The following NHLH2 variants were observed in gnomAD, a reference collection of about 807,000 sequenced individuals.
The protein encoded by NHLH2 is helix-loop-helix protein 2.
In NHLH2, 7 loss-of-function variants were observed where a neutral mutation model predicts 7.3. The observed-to-expected ratio is 0.96, with a 90% CI of 0.55 to 1.81. The LOEUF is 1.81. Ranked by LOEUF, NHLH2 falls within the 40% of genes most tolerant of loss-of-function variation. The pLI is 0.00. For synonymous variants in NHLH2, 93 were observed against 91.6 expected (o/e 1.01, Z -0.09); for missense variants, 155 against 194.0 (o/e 0.80, Z 1.19).
At chr1:115,839,216 GA>G in intron 2 of NHLH2, 1 of 167,490 alleles carries the variant, frequency 6.0e-6, no homozygotes, top group Non-Finnish European at 1.5e-5. Flanking sequence ...CACCTTGCGG[GA>G]AAATGCCGGC....
chr1:115,833,116 T>C (rs1650790193), downstream of NHLH2, among the ~76,000 whole-genome samples: 1 of 152,192 alleles, frequency 6.6e-6, no homozygotes, highest in African/African-American at 2.4e-5. Flanking sequence ...GGCACGCTAA[T>C]TTTTAAAGAT....
At position 115,838,180 on chromosome 1, in the gene NHLH2, G is replaced by A; in HGVS notation, c.193C>T (p.Arg65Cys). 1 of 1,575,594 alleles carries A rather than the reference G, an allele frequency of 6.3e-7. No homozygotes were observed. Among genetic ancestry groups the A allele is most frequent in the Non-Finnish European group, 8.6e-7 (1 of 1,162,084 alleles). ...CGCCGGCGGCGGCGCTTCTCCTCGC[G>A]GCTCAGCTGCTGCGGGTGCGGGTAG... Reference protein sequence around the residue: ...ALYPHPQQLSREEKRRRRRAT... With the variant: ...ALYPHPQQLSCEEKRRRRRAT... Residue 65 changes from arginine to cysteine, a missense_variant, in exon 3 of 3, where the codon CGC (arginine) becomes TGC (cysteine). By Grantham distance (180) the Arg-to-Cys change is radical (BLOSUM62 -3). This residue lies in a region of NHLH2 where 64 missense variants were observed against 107.4 expected (regional missense o/e 0.60). Transcript: ENST00000320238.
downstream of NHLH2, among the ~76,000 whole-genome samples, chr1:115,833,484 G>T (rs1049503289): frequency 1.3e-5 from 2 of 152,136 alleles, no homozygotes; most frequent in African/African-American, 2.4e-5. Context: ...GCACCAAGGG[G>T]GGTGGTGTGT....
chr1:115,832,945 G>A (rs145063092), downstream of NHLH2, among the ~76,000 whole-genome samples: 1 of 152,186 alleles, frequency 6.6e-6, no homozygotes, highest in Non-Finnish European at 1.5e-5. Flanking sequence ...TGGCCTCTCT[G>A]GGGAAGTGAG....
downstream of NHLH2, among the ~76,000 whole-genome samples, chr1:115,835,528 A>G (rs531340069): frequency 2.0e-5 from 3 of 152,284 alleles, no homozygotes. Context: ...CCTTCATATA[A>G]GGGAGAGGAT....
At chr1:115,836,079 T>C (rs960729159), downstream of NHLH2, among the ~76,000 whole-genome samples, 9 of 152,202 alleles carry the variant, frequency 5.9e-5, no homozygotes, top group African/African-American at 1.7e-4. Context: ...TAGAGAGTTA[T>C]TAAGTTTTCT....
intron 1 of NHLH2, 107 bp from the exon 2 acceptor site, chr1:115,840,651 A>T (rs544045086): frequency 6.0e-6 from 1 of 166,912 alleles, no homozygotes; most frequent in Non-Finnish European, 1.5e-5. Flanking sequence ...TTAAGATAAG[A>T]TTCCGCTCCT....
At position 115,838,117 on chromosome 1, in the gene NHLH2, C is replaced by T; in HGVS notation, c.256G>A (p.Glu86Lys). 1 of 1,604,622 alleles carries T rather than the reference C, an allele frequency of 6.2e-7. No individual in the cohort carries two copies. Among genetic ancestry groups the T allele is most frequent in the South Asian group, 1.1e-5 (1 of 90,158 alleles). Residue 86 changes from glutamate to lysine, a missense_variant, in exon 3 of 3, where the codon GAG becomes AAG. Coordinates refer to ENST00000320238, the MANE Select transcript of NHLH2 (RefSeq NM_005599.3). ...TTGAAGGCTTCCACGCGGATGCGCT[C>T]GCGGGTGGCGTGGGCCGAGCGGTAC... Reference protein sequence around the residue: ...AKYRSAHATRERIRVEAFNLA... With the variant: ...AKYRSAHATRKRIRVEAFNLA...
At position 115,836,761 on chromosome 1, in the gene NHLH2, T is replaced by A. The variant is rs1650881726; in HGVS notation, c.*1204A>T. ...CACACACACAAAGAAGCTACTCTCCTTATAAACAGCTTGTAAAGGACTTCT... is the reference window on the plus strand; with the variant it reads ...CACACACACAAAGAAGCTACTCTCCATATAAACAGCTTGTAAAGGACTTCT... On this transcript the variant is annotated 3_prime_UTR_variant, in exon 3 of 3. Coordinates refer to ENST00000320238, the MANE Select transcript of NHLH2 (RefSeq NM_005599.3). 1 of 152,180 alleles carries A rather than the reference T, an allele frequency of 6.6e-6. No homozygotes were observed. The highest frequency in any genetic ancestry group is 6.5e-5 in the Admixed American group (1 of 15,274). 9.4% of individuals were successfully genotyped at this position (152,180 alleles called of 1,614,324 possible).
At chr1:115,838,463 G>C (rs930848741) in intron 2 of NHLH2, 83 bp from the exon 3 acceptor site, 8 of 1,484,186 alleles carry the variant, frequency 5.4e-6, no homozygotes, top group Non-Finnish European at 7.3e-6. Flanking sequence ...TACCACGCCG[G>C]TCCTCCCAGC....
intron 2 of NHLH2, chr1:115,839,506 G>A (rs1170453999): frequency 6.0e-6 from 1 of 166,906 alleles, no homozygotes; most frequent in Non-Finnish European, 1.5e-5. Context: ...TGGGGCGCCT[G>A]GAGCACTGGC....
downstream of NHLH2, among the ~76,000 whole-genome samples, chr1:115,832,207 G>T (rs1650770552): frequency 6.6e-6 from 1 of 152,194 alleles, no homozygotes; most frequent in South Asian, 2.1e-4. Context: ...CATGAGTCGA[G>T]TGGGGCTTTC....
rs1570907276 is a variant in NHLH2 at position 115,837,770 on chromosome 1, T to A, written c.*195A>T. The A allele has an allele frequency of 1.7e-6, 1 of 606,048 alleles. No individual in the cohort carries two copies. 37.5% of individuals were successfully genotyped at this position (606,048 alleles called of 1,614,324 possible). On this transcript the variant is annotated 3_prime_UTR_variant, in exon 3 of 3. Transcript: ENST00000320238. ...CCCGGGCTCGCCAGACAACCCCACC[T>A]GCCTGCGTCGGAAACCTTCCCTCGT...
downstream of NHLH2, among the ~76,000 whole-genome samples, chr1:115,833,489 G>A (rs539945705): frequency 2.0e-5 from 3 of 152,166 alleles, no homozygotes; most frequent in Non-Finnish European, 4.4e-5. Context: ...AAGGGGGGTG[G>A]TGTGTGAGTG....
chr1:115,834,237 G>T (rs1225184239), downstream of NHLH2, among the ~76,000 whole-genome samples: 1 of 152,208 alleles, frequency 6.6e-6, no homozygotes, highest in African/African-American at 2.4e-5. Context: ...TGGTAGAAGT[G>T]AGGGGAAGTC....
Position 115,838,144 on chromosome 1 carries a change from T to G in NHLH2, c.229A>C (p.Lys77Gln). The G allele has an allele frequency of 6.3e-7, 1 of 1,597,454 alleles. No individual in the cohort carries two copies. Residue 77 changes from lysine to glutamine, a missense_variant, in exon 3 of 3, where the codon AAG becomes CAG. By Grantham distance (53) the Lys-to-Gln change is moderately conservative. Transcript: ENST00000320238. ...CGGGTGGCGTGGGCCGAGCGGTACT[T>G]GGCCGTGGCGCGCCGGCGGCGGCGC... ...EKRRRRRATAKYRSAHATRER... is the reference protein window; with the variant it reads ...EKRRRRRATAQYRSAHATRER...
chr1:115,839,361 C>A (rs1035900025), intron 2 of NHLH2: 1 of 166,554 alleles, frequency 6.0e-6, no homozygotes, highest in Non-Finnish European at 1.5e-5. Flanking sequence ...CGGCAAAGTT[C>A]GGGCGCTCCC....
chr1:115,833,110 C>T (rs1269649352), downstream of NHLH2, among the ~76,000 whole-genome samples: 3 of 151,984 alleles, frequency 2.0e-5, no homozygotes, highest in Admixed American at 6.6e-5. Flanking sequence ...GAGGATGGCA[C>T]GCTAATTTTT....
rs1650883533 is a variant in NHLH2, at chr1:115,836,829, T to C, written c.*1136A>G. On this transcript the variant is annotated 3_prime_UTR_variant, in exon 3 of 3. Transcript: ENST00000320238. ...AAGAATAATACACTTTTTAAAAAAC[T>C]ATAATAGTGAAGTGCTAGTGTTGCT... 2 of 152,132 alleles carry C rather than the reference T, an allele frequency of 1.3e-5. No homozygotes were observed. Among genetic ancestry groups the C allele is most frequent in the African/African-American group, 2.4e-5 (1 of 41,434 alleles). The allele number at this position is 152,132 out of a possible 1,614,324, so 9.4% of individuals were successfully genotyped here. A position where few individuals can be genotyped will look rare whatever the true frequency, so the allele number is the denominator to read the frequency against.
Sources: gnomAD v4.1 joint callset for allele counts (sites outside exome capture counted in the v4.1 genomes callset) on GRCh38, gnomAD v4.1.1 for gene constraint, gnomAD v4.1.1 regional missense constraint, MANE v1.5 for transcripts, NCBI Gene and HGNC (gene_info 2026-07-23, HGNC 2026-07-21) for gene names.